Variants in SORCS2 observed in about 807,000 individuals in gnomAD.
The protein encoded by SORCS2 is VPS10 domain-containing receptor SorCS2.
Under a neutral mutation model 141.6 loss-of-function variants are expected in SORCS2, and 100 were observed. That is an observed-to-expected ratio of 0.71 (90% CI 0.60 to 0.83). The LOEUF is 0.83. Ranked by LOEUF, SORCS2 falls within the 40% of genes least tolerant of loss-of-function variation. The pLI, the probability that SORCS2 is intolerant of heterozygous loss-of-function variation, is 0.00. For missense variants in SORCS2, 1,646 were observed against 1,560.2 expected (o/e 1.05, Z -0.93); for synonymous variants, 789 against 676.9 (o/e 1.17, Z -2.57).
intron 1 of SORCS2, among the ~76,000 whole-genome samples, chr4:7,326,666 G>A (rs954762277): frequency 1.3e-5 from 2 of 152,262 alleles, no homozygotes; most frequent in African/African-American, 4.8e-5. Context: ...ACACCACAGT[G>A]ATGACAGCCT....
chr4:7,715,198 G>A lies in SORCS2; in HGVS notation c.2139G>A (p.Glu713=). ...DSDFLCDYGF[E]RSSSSESSTN... ...CTCCTCCCAGCGACTACGGATTTGA[G>A]CGCTCCTCCTCCTCAGAGTCCAGCA... is the stretch of plus-strand genomic sequence containing the variant. Residue 713 remains glutamate (E), a synonymous_variant, in exon 17 of 27, where the codon GAG becomes GAA. Transcript: ENST00000507866. 2 of 1,613,912 alleles carry A rather than the reference G, an allele frequency of 1.2e-6. No homozygotes were observed. Among genetic ancestry groups the A allele is most frequent in the South Asian group, 1.1e-5 (1 of 91,080 alleles).
At chr4:7,696,844 G>T (rs78363724) in intron 11 of SORCS2, among the ~76,000 whole-genome samples, 4,316 of 152,332 alleles carry the variant, frequency 0.028, 101 homozygotes, top group Middle Eastern at 0.065. Context: ...AAGCCCCACA[G>T]GGGCTGCCCA....
At chr4:7,481,358 G>A (rs554331975) in intron 2 of SORCS2, among the ~76,000 whole-genome samples, 8 of 152,238 alleles carry the variant, frequency 5.3e-5, no homozygotes, top group Non-Finnish European at 1.0e-4. Flanking sequence ...TGCCAGGCAG[G>A]GCTGGGCTCG....
intron 1 of SORCS2, among the ~76,000 whole-genome samples, chr4:7,389,373 G>T (rs935540152): frequency 4.6e-5 from 7 of 152,258 alleles, no homozygotes; most frequent in African/African-American, 1.4e-4. Context: ...CCGTACCAGC[G>T]AGGCATGTCT....
chr4:7,693,353 G>T (rs1724380486), intron 11 of SORCS2, among the ~76,000 whole-genome samples: 1 of 152,216 alleles, frequency 6.6e-6, no homozygotes, highest in South Asian at 2.1e-4. Context: ...CCTGTGGCCA[G>T]CTGCCTCCCA....
Position 7,424,656 on chromosome 4 carries a change from G to A in SORCS2, c.548+28301G>A, listed in dbSNP as rs1291871169. ...GACGTGTGACCCCCGCACTCCGCAGGGCTCACAGCAGCTCCCCAGCCCAGA... is the reference window on the plus strand; with the variant it reads ...GACGTGTGACCCCCGCACTCCGCAGAGCTCACAGCAGCTCCCCAGCCCAGA... On this transcript the variant is annotated intron_variant, in intron 2 of 26. Transcript: ENST00000507866. Among the ~76,000 whole-genome samples the A allele has an allele frequency of 2.0e-5, 3 of 152,154 alleles. No homozygotes were observed. The East Asian group carries it at 5.8e-4, about 29-fold the overall frequency.
chr4:7,360,744 G>C (rs1160873905), intron 1 of SORCS2, among the ~76,000 whole-genome samples: 3 of 150,994 alleles, frequency 2.0e-5, no homozygotes, highest in Admixed American at 2.0e-4. Flanking sequence ...CACCACACTT[G>C]GCTAATTTTT....
intron 2 of SORCS2, among the ~76,000 whole-genome samples, chr4:7,400,585 G>A (rs1252747565): frequency 2.0e-5 from 3 of 152,204 alleles, no homozygotes; most frequent in East Asian, 3.8e-4. Flanking sequence ...ATCTGGCATA[G>A]GAGATACATG....
At chr4:7,212,737 C>T (rs1393760116) in intron 1 of SORCS2, among the ~76,000 whole-genome samples, 1 of 152,272 alleles carries the variant, frequency 6.6e-6, no homozygotes. Context: ...GAAACGCTTC[C>T]ATTGCCTGGC....
chr4:7,326,681 G>A (rs570271012), intron 1 of SORCS2, among the ~76,000 whole-genome samples: 3 of 152,378 alleles, frequency 2.0e-5, no homozygotes, highest in South Asian at 4.1e-4. Context: ...CAGCCTCGCC[G>A]CCAGGGCATG....
chr4:7,425,813 C>T (rs965306166), intron 2 of SORCS2, among the ~76,000 whole-genome samples: 22 of 152,240 alleles, frequency 1.4e-4, no homozygotes, highest in Admixed American at 1.4e-3. Context: ...GAAGGGGCGG[C>T]AGCAGGCAAG....
intron 9 of SORCS2, among the ~76,000 whole-genome samples, chr4:7,677,538 C>T (rs769219367): frequency 4.9e-4 from 75 of 152,368 alleles, no homozygotes; most frequent in Middle Eastern, 3.4e-3. Flanking sequence ...CTCCAAGCTC[C>T]TTCCTCTTGC....
intron 11 of SORCS2, 72 bp from the exon 12 acceptor site, chr4:7,697,126 A>G: frequency 2.2e-6 from 3 of 1,355,070 alleles, no homozygotes; most frequent in African/African-American, 1.5e-5. Context: ...AGGTTTTTCC[A>G]TGCTCAGACT....
chr4:7,666,929 C>T (rs1722539259), intron 7 of SORCS2, among the ~76,000 whole-genome samples, 195 bp from the exon 8 acceptor site: 1 of 152,062 alleles, frequency 6.6e-6, no homozygotes, highest in African/African-American at 2.4e-5. Flanking sequence ...AAGCAGAAGA[C>T]AACTTCCCAG....
chr4:7,494,756 C>T (rs1294275616), intron 2 of SORCS2, among the ~76,000 whole-genome samples: 1 of 148,484 alleles, frequency 6.7e-6, no homozygotes, highest in Non-Finnish European at 1.5e-5. Flanking sequence ...GGGCTGTTTC[C>T]TTAAACCACA....
intron 10 of SORCS2, among the ~76,000 whole-genome samples, chr4:7,687,136 G>A (rs552463265): frequency 1.6e-3 from 237 of 152,336 alleles, no homozygotes; most frequent in Non-Finnish European, 2.8e-3. Flanking sequence ...CAACCCATGA[G>A]CTCTGGCCTT....
rs540153838 is a variant in SORCS2 at position 7,279,477 on chromosome 4, G to A, written c.480+86351G>A. Among the ~76,000 whole-genome samples the A allele has an allele frequency of 1.8e-3, 278 of 152,332 alleles. 1 individual carries two copies. The highest frequency in any genetic ancestry group is 3.2e-3 in the Non-Finnish European group (221 of 68,032). On this transcript the variant is annotated intron_variant, in intron 1 of 26. Coordinates refer to ENST00000507866, the MANE Select transcript of SORCS2 (RefSeq NM_020777.3). ...CTGGTCTCATGCTGTTACAATAAAT[G>A]CGGTGGTCAGTTCCATTTCACTGTT...
rs116547525 is a variant in SORCS2, at chr4:7,256,209, C to T, written c.480+63083C>T. ...GAGAGGCTCTTGAGAGTGGGGAGAG[C>T]GTGCCTGGTGAGCACATGCCCGCTC... is the stretch of plus-strand genomic sequence containing the variant. On this transcript the variant is annotated intron_variant, in intron 1 of 26. Transcript: ENST00000507866. Among the ~76,000 whole-genome samples, 533 of 152,234 alleles carry T rather than the reference C, an allele frequency of 3.5e-3. 1 individual carries two copies. Among genetic ancestry groups the T allele is most frequent in the African/African-American group, 0.012 (502 of 41,538 alleles).
intron 2 of SORCS2, among the ~76,000 whole-genome samples, chr4:7,515,638 C>A (rs560627057): frequency 6.6e-6 from 1 of 152,290 alleles, no homozygotes; most frequent in South Asian, 2.1e-4. Context: ...CCGTGCCCTG[C>A]AGACGTAAGC....
Sources: allele counts gnomAD v4.1 joint callset (sites outside exome capture counted in the v4.1 genomes callset), GRCh38; gene constraint gnomAD v4.1.1; transcripts MANE v1.5; gene names NCBI Gene and HGNC (gene_info 2026-07-23, HGNC 2026-07-21).